CALN1: variants seen among roughly 807,000 people sequenced by gnomAD.
CALN1 encodes calcium-binding protein 8.
A neutral mutation model predicts 30.6 loss-of-function variants in CALN1; 17 were observed. That is an observed-to-expected ratio of 0.56 (90% CI 0.38 to 0.83). The LOEUF (loss-of-function observed/expected upper bound fraction) is 0.83, where lower values mean the gene tolerates loss of function less well. Among genes scored for constraint, CALN1 ranks in the 40% least tolerant of loss-of-function variants. The pLI is 0.00. For missense variants in CALN1, 291 were observed against 354.9 expected (o/e 0.82, Z 1.45); for synonymous variants, 156 against 131.4 (o/e 1.19, Z -1.28).
At chr7:72,000,531 A>C (rs1799471750) in intron 5 of CALN1, among the ~76,000 whole-genome samples, 1 of 152,144 alleles carries the variant, frequency 6.6e-6, no homozygotes, top group Admixed American at 6.5e-5. Flanking sequence ...ATAATTTAAA[A>C]GATTTTGAAA....
chr7:72,151,914 T>TC (rs905240966), intron 3 of CALN1, among the ~76,000 whole-genome samples: 13 of 149,718 alleles, frequency 8.7e-5, no homozygotes, highest in Non-Finnish European at 1.6e-4. Flanking sequence ...TCTTTTCTTT[T>TC]TTTTTTTTTT....
Position 72,391,436 on chromosome 7 carries a change from G to A in CALN1, c.119+11815C>T, listed in dbSNP as rs201699824. Among the ~76,000 whole-genome samples the A allele has an allele frequency of 8.5e-3, 1,297 of 152,090 alleles. 6 individuals are homozygous for A. Among genetic ancestry groups the A allele is most frequent in the Non-Finnish European group, 0.013 (857 of 67,986 alleles). On this transcript the variant is annotated intron_variant, in intron 2 of 6. Transcript: ENST00000395275. Reference sequence around the variant, plus strand: ...GCAAGACACCAGAAGATCCCAAAGAGGTGCACTGCTAGGACCAGGCAGCAA... The same window carrying A: ...GCAAGACACCAGAAGATCCCAAAGAAGTGCACTGCTAGGACCAGGCAGCAA...
At chr7:72,283,829 AG>A (rs1357624456) in intron 2 of CALN1, among the ~76,000 whole-genome samples, 1 of 152,232 alleles carries the variant, frequency 6.6e-6, no homozygotes, top group Non-Finnish European at 1.5e-5. Flanking sequence ...AGTATGCAGA[AG>A]GGGCTACTTG....
intron 2 of CALN1, among the ~76,000 whole-genome samples, chr7:72,329,787 C>G (rs1479451060): frequency 2.0e-5 from 3 of 151,672 alleles, no homozygotes; most frequent in Admixed American, 6.6e-5. Flanking sequence ...GACCCCGTCA[C>G]TACTAAAAAT....
At chr7:72,270,682 G>A (rs1585317480) in intron 3 of CALN1, among the ~76,000 whole-genome samples, 1 of 152,204 alleles carries the variant, frequency 6.6e-6, no homozygotes, top group South Asian at 2.1e-4. Context: ...GGCTGAGGCA[G>A]GAGCATCGCT....
chr7:72,233,194 A>G (rs1224142742), intron 3 of CALN1, among the ~76,000 whole-genome samples: 3 of 137,590 alleles, frequency 2.2e-5, no homozygotes, highest in Non-Finnish European at 4.8e-5. Context: ...TGTAAAAAGG[A>G]AAAAAAAAAA....
chr7:71,931,566 T>G (rs1795554030), intron 5 of CALN1, among the ~76,000 whole-genome samples: 1 of 152,216 alleles, frequency 6.6e-6, no homozygotes, highest in African/African-American at 2.4e-5. Context: ...CGCGCCCAGC[T>G]GAAAACCATG....
chr7:72,372,010 A>G (rs1016748703), intron 2 of CALN1, among the ~76,000 whole-genome samples: 1 of 152,182 alleles, frequency 6.6e-6, no homozygotes, highest in Non-Finnish European at 1.5e-5. Flanking sequence ...TCCTTCTGGC[A>G]TTTCTGAGAT....
chr7:72,238,777 C>T (rs1794646126), intron 3 of CALN1, among the ~76,000 whole-genome samples: 2 of 152,192 alleles, frequency 1.3e-5, no homozygotes, highest in African/African-American at 2.4e-5. Context: ...TTTCCTGAGA[C>T]CTCCTCAGCC....
intron 3 of CALN1, among the ~76,000 whole-genome samples, chr7:72,161,802 A>G (rs1411683429): frequency 1.3e-5 from 2 of 152,006 alleles, no homozygotes; most frequent in East Asian, 3.9e-4. Flanking sequence ...GAGCATCCGG[A>G]AGAATAGCTG....
At position 71,784,493 on chromosome 7, in the gene CALN1, G is replaced by T. The variant is rs1432041942; in HGVS notation, c.*3282C>A. ...CACATTCTGGAAGCCATTGCTAATAGTCCCGATGCTAGATTCTGTCTGGGG... is the reference window on the plus strand; with the variant it reads ...CACATTCTGGAAGCCATTGCTAATATTCCCGATGCTAGATTCTGTCTGGGG... On this transcript the variant is annotated 3_prime_UTR_variant, in exon 7 of 7. Transcript: ENST00000395275. 3.9e-6 allele frequency: 1 copy of T among 253,748 alleles called. No homozygotes were observed. The highest frequency in any genetic ancestry group is 5.5e-5 in the Admixed American group (1 of 18,226). The allele number at this position is 253,748 out of a possible 1,614,324, so 15.7% of individuals were successfully genotyped here.
chr7:72,330,498 C>A (rs1411069663), intron 2 of CALN1, among the ~76,000 whole-genome samples: 1 of 150,916 alleles, frequency 6.6e-6, no homozygotes. Flanking sequence ...AGAGAGAGAC[C>A]TTTGTTGGCC....
At chr7:72,162,490 T>A (rs531323939) in intron 3 of CALN1, among the ~76,000 whole-genome samples, 1 of 152,196 alleles carries the variant, frequency 6.6e-6, no homozygotes, top group South Asian at 2.1e-4. Flanking sequence ...TCCTGGCACT[T>A]TGGGAGACCA....
intron 3 of CALN1, among the ~76,000 whole-genome samples, chr7:72,249,516 C>T (rs1336790867): frequency 5.3e-5 from 8 of 152,168 alleles, no homozygotes; most frequent in African/African-American, 1.4e-4. Context: ...AAGAAACAGA[C>T]CTTCAGCAGG....
At position 72,338,103 on chromosome 7, in the gene CALN1, A is replaced by G. The variant is rs142006588; in HGVS notation, c.120-59293T>C. Among the ~76,000 whole-genome samples the G allele has an allele frequency of 1.2e-3, 183 of 152,316 alleles. 1 individual carries two copies. Among genetic ancestry groups the G allele is most frequent in the African/African-American group, 4.2e-3 (174 of 41,578 alleles). On this transcript the variant is annotated intron_variant, in intron 2 of 6. Coordinates refer to ENST00000395275, the MANE Select transcript of CALN1 (RefSeq NM_031468.4). ...GGCAAGAAAAAGAAAGAAAGCAGCA[A>G]GGTGGGTCTCAGACTGTCCCGTAGA...
At chr7:72,441,581 G>A (rs1322276098) in intron 1 of CALN1, among the ~76,000 whole-genome samples, 1 of 121,692 alleles carries the variant, frequency 8.2e-6, no homozygotes, top group Non-Finnish European at 1.6e-5. Flanking sequence ...CTGAGCAACA[G>A]AGCGACACTC....
chr7:72,192,094 C>G (rs1790650216), intron 3 of CALN1, among the ~76,000 whole-genome samples: 1 of 152,180 alleles, frequency 6.6e-6, no homozygotes, highest in Non-Finnish European at 1.5e-5. Context: ...CATGTTGCAT[C>G]TTCTCTTTCC....
intron 4 of CALN1, among the ~76,000 whole-genome samples, chr7:72,105,003 T>A (rs1443716164): frequency 6.9e-6 from 1 of 144,254 alleles, no homozygotes; most frequent in African/African-American, 2.6e-5. Flanking sequence ...TAAATGAAAA[T>A]AAGATAAAAA....
At chr7:72,333,893 T>G (rs1801833621) in intron 2 of CALN1, among the ~76,000 whole-genome samples, 1 of 152,120 alleles carries the variant, frequency 6.6e-6, no homozygotes, top group African/African-American at 2.4e-5. Flanking sequence ...ACTCAACGAA[T>G]ATAGGGCACC....
Sources: gnomAD v4.1 joint callset for allele counts (sites outside exome capture counted in the v4.1 genomes callset) on GRCh38, gnomAD v4.1.1 for gene constraint, MANE v1.5 for transcripts, NCBI Gene and HGNC (gene_info 2026-07-23, HGNC 2026-07-21) for gene names.